Variants in CDH23 observed in about 807,000 individuals in gnomAD.
The protein encoded by CDH23 is cadherin related 23, also known as cadherin-23.
CDH23 carries 189 observed loss-of-function variants against 317.1 expected under a neutral mutation model. The observed-to-expected ratio is 0.60, with a 90% CI of 0.53 to 0.67. The LOEUF (loss-of-function observed/expected upper bound fraction) is 0.67. CDH23 is among the 30% of genes least tolerant of loss of function. The probability of loss-of-function intolerance (pLI) is 0.00; values close to 1 mark genes in which losing one functional copy is unlikely to be tolerated. For synonymous variants in CDH23, 1,839 were observed against 1,876.8 expected (o/e 0.98, Z 0.52); for missense variants, 4,401 against 4,592.4 (o/e 0.96, Z 1.20).
intron 6 of CDH23, among the ~76,000 whole-genome samples, chr10:71,515,357 TTCTCTC>T (rs3059687): frequency 0.025 from 3,210 of 125,918 alleles, 51 homozygotes; most frequent in Middle Eastern, 0.054. Flanking sequence ...ACCTGTCTGT[TTCTCTC>T]TCTCTCTCTC....
chr10:71,499,600 G>A (rs1356941608), intron 3 of CDH23, among the ~76,000 whole-genome samples: 6 of 151,750 alleles, frequency 4.0e-5, no homozygotes, highest in Non-Finnish European at 5.9e-5. Flanking sequence ...AGCACTTTGG[G>A]AGGCGGAGGC....
intron 14 of CDH23, among the ~76,000 whole-genome samples, chr10:71,665,000 A>C (rs1863827678): frequency 6.6e-6 from 1 of 152,116 alleles, no homozygotes; most frequent in Non-Finnish European, 1.5e-5. Flanking sequence ...TTGTCTGCTA[A>C]AAAAAGATCC....
At chr10:71,429,684 ATCGTGACTGAC>A (rs1204501373) in intron 1 of CDH23, among the ~76,000 whole-genome samples, 3 of 152,228 alleles carry the variant, frequency 2.0e-5, no homozygotes, top group Non-Finnish European at 4.4e-5. Context: ...AAAAGAAGGT[ATCGTGACTGAC>A]TGGCTGGATA....
At chr10:71,695,568 CA>C in intron 22 of CDH23, 43 bp downstream of exon 22, 1 of 1,407,960 alleles carries the variant, frequency 7.1e-7, no homozygotes, top group Non-Finnish European at 1.0e-6. Flanking sequence ...CGGCCCTTCC[CA>C]GGGGTCTGTG....
rs757570269 is a variant in CDH23 at position 71,785,020 on chromosome 10, G to A, written c.5632G>A (p.Ala1878Thr). The A allele has an allele frequency of 1.6e-5, 26 of 1,613,936 alleles. No homozygotes were observed. The highest frequency in any genetic ancestry group is 1.1e-4 in the African/African-American group (8 of 74,958). Reference protein sequence around the residue: ...SFVAHVLASDADSGCNARLTF... With the variant: ...SFVAHVLASDTDSGCNARLTF... ...TGTCGCCCATGTCCTGGCCAGTGAC[G>A]CTGACAGTGGCTGCAATGCACGCCT... is the stretch of plus-strand genomic sequence containing the variant. The change falls in exon 43 of 70, where the codon GCT (alanine) becomes ACT (threonine). Residue 1878 changes from alanine (A) to threonine (T), a missense_variant. Physicochemically the swap from Ala to Thr is moderately conservative, Grantham distance 58 (BLOSUM62 0). Coordinates refer to ENST00000224721, the MANE Select transcript of CDH23 (RefSeq NM_022124.6).
chr10:71,457,103 A>G (rs1589336043), intron 3 of CDH23, among the ~76,000 whole-genome samples: 1 of 152,202 alleles, frequency 6.6e-6, no homozygotes, highest in Admixed American at 6.5e-5. Flanking sequence ...GGACAGAGAA[A>G]TCTTCATAGT....
intron 34 of CDH23, chr10:71,737,969 C>T (rs778354084): frequency 5.2e-4 from 199 of 379,380 alleles, no homozygotes; most frequent in South Asian, 2.5e-3. Flanking sequence ...TGCTCCTGGG[C>T]CCATTTCCTT....
chr10:71,807,377 C>T lies in CDH23; in HGVS notation c.8279C>T (p.Pro2760Leu). The change falls in exon 58 of 70, where the codon CCC becomes CTC. Residue 2760 changes from proline (P) to leucine (L), a missense_variant. Around this residue, in one of 3 missense-constraint regions of CDH23, gnomAD observed 1,144 missense variants for 1,138.2 expected, o/e 1.01. Transcript: ENST00000224721. Reference protein sequence around the residue: ...VTGAVDADEGPNAIVYYFIAA... With the variant: ...VTGAVDADEGLNAIVYYFIAA... Reference sequence around the variant, plus strand: ...GGCGCAGTGGATGCAGATGAGGGCCCCAACGCGATCGTGTACTACTTCATC... The same window carrying T: ...GGCGCAGTGGATGCAGATGAGGGCCTCAACGCGATCGTGTACTACTTCATC... 2.5e-6 allele frequency: 4 copies of T among 1,613,900 alleles called. No homozygotes were observed. The highest frequency in any genetic ancestry group is 3.4e-6 in the Non-Finnish European group (4 of 1,179,834).
intron 19 of CDH23, among the ~76,000 whole-genome samples, chr10:71,689,017 T>C (rs372197627): frequency 0.19 from 1,618 of 8,656 alleles, 30 homozygotes; most frequent in African/African-American, 0.24. Context: ...GGTGGTGGAG[T>C]CAGGGGTGGT....
chr10:71,784,827 C>G (rs1306423519), intron 42 of CDH23, 64 bp from the exon 43 acceptor site: 2 of 1,377,474 alleles, frequency 1.5e-6, no homozygotes, highest in African/African-American at 1.4e-5. Context: ...ACCTCCTCCT[C>G]GGTTGCCATG....
chr10:71,444,196 T>C, intron 2 of CDH23, among the ~76,000 whole-genome samples: 1 of 152,280 alleles, frequency 6.6e-6, no homozygotes, highest in East Asian at 1.9e-4. Flanking sequence ...CTGTTAATAC[T>C]GGCTACCATT....
Position 71,705,129 on chromosome 10 carries a change from T to C in CDH23, c.2952T>C (p.His984=), listed in dbSNP as rs1564744738. ...GCTCCACCAGCACGCTCACCATCCA[T>C]GGTGAGGGGGCGCAGGGGCTTCTGC... The part of the protein sequence containing the change: ...TKSSTSTLTI[H]VLDVNDETPT... The change falls in exon 25 of 70, where the codon CAT becomes CAC. Residue 984 remains histidine, a splice_region_variant and synonymous_variant. Coordinates refer to ENST00000224721, the MANE Select transcript of CDH23 (RefSeq NM_022124.6). 2.5e-6 allele frequency: 4 copies of C among 1,608,000 alleles called. No homozygotes were observed. The highest frequency in any genetic ancestry group is 1.9e-4 in the Middle Eastern group (1 of 5,366).
intron 60 of CDH23, 139 bp downstream of exon 60, chr10:71,808,146 C>T: frequency 1.0e-6 from 1 of 1,003,110 alleles, no homozygotes; most frequent in Non-Finnish European, 1.5e-6. Flanking sequence ...CAATCCTATT[C>T]ATCCACCTAT....
chr10:71,584,962 A>C (rs1355906272), intron 9 of CDH23, among the ~76,000 whole-genome samples: 1 of 152,182 alleles, frequency 6.6e-6, no homozygotes, highest in Non-Finnish European at 1.5e-5. Context: ...TAGAAGACAG[A>C]GAAAGCAAAA....
In CDH23 at chr10:71,551,019, G is replaced by C. The variant is rs150201016; in HGVS notation, c.430-15723G>C. Among the ~76,000 whole-genome samples the C allele has an allele frequency of 3.2e-3, 484 of 152,312 alleles. 12 individuals carry two copies. The highest frequency in any genetic ancestry group is 0.029 in the Admixed American group (437 of 15,306). On this transcript the variant is annotated intron_variant, in intron 6 of 69. Transcript: ENST00000224721. ...CATATTTGCAAGCTACAGTACAAACGAGCGGCAAACCTAATGATTCGTGAT... is the reference window on the plus strand; with the variant it reads ...CATATTTGCAAGCTACAGTACAAACCAGCGGCAAACCTAATGATTCGTGAT...
chr10:71,768,524 A>G (rs932736800), intron 38 of CDH23, among the ~76,000 whole-genome samples: 3 of 151,358 alleles, frequency 2.0e-5, no homozygotes, highest in Non-Finnish European at 4.4e-5. Context: ...TCAGGCTGGA[A>G]TGCAGTGACA....
intron 3 of CDH23, among the ~76,000 whole-genome samples, chr10:71,470,916 T>G (rs1851474573): frequency 6.6e-6 from 1 of 152,260 alleles, no homozygotes; most frequent in South Asian, 2.1e-4. Flanking sequence ...GCCATCCATA[T>G]ATCTACTTTG....
chr10:71,661,889 C>G (rs1306116233), intron 14 of CDH23, among the ~76,000 whole-genome samples: 1 of 102,384 alleles, frequency 9.8e-6, no homozygotes, highest in Non-Finnish European at 2.0e-5. Flanking sequence ...ACCCAGCGCG[C>G]CCCCTCCCAC....
intron 44 of CDH23, among the ~76,000 whole-genome samples, chr10:71,786,344 G>A (rs1841104326): frequency 6.6e-6 from 1 of 152,142 alleles, no homozygotes; most frequent in Non-Finnish European, 1.5e-5. Context: ...TCTCAGCTCT[G>A]CCCCTGACTA....
Sources: allele counts gnomAD v4.1 joint callset (sites outside exome capture counted in the v4.1 genomes callset), GRCh38; gene constraint gnomAD v4.1.1; regional missense constraint gnomAD v4.1.1; transcripts MANE v1.5; gene names NCBI Gene and HGNC (gene_info 2026-07-23, HGNC 2026-07-21).